Variants in RBPMS2 observed in about 807,000 individuals in gnomAD.
The protein encoded by RBPMS2 is RNA binding protein, mRNA processing factor 2.
In RBPMS2, 14 loss-of-function variants were observed where a neutral mutation model predicts 25.7. The ratio of observed to expected loss-of-function variants is 0.55; its 90% CI spans 0.36 to 0.85. The LOEUF (loss-of-function observed/expected upper bound fraction) is 0.85. RBPMS2 is among the 40% of genes least tolerant of loss of function. The pLI is 0.01. For synonymous variants in RBPMS2, 127 were observed against 115.6 expected, an observed-to-expected ratio of 1.10 and a Z score of -0.63; for missense variants, 252 against 283.4, an observed-to-expected ratio of 0.89 and a Z score of 0.80.
Position 64,768,230 on chromosome 15 carries a change from T to C in RBPMS2, c.87+7003A>G, listed in dbSNP as rs371073489. ...GTAGAGAATTTAAAATAAAACTGCT[T>C]GGGCGTGGCAACTCACATCTGTAAC... On this transcript the variant is annotated intron_variant, in intron 1 of 7. Transcript: ENST00000300069. Among the ~76,000 whole-genome samples the C allele has an allele frequency of 2.3e-3, 350 of 152,276 alleles. 2 individuals carry two copies. Among genetic ancestry groups the C allele is most frequent in the African/African-American group, 7.7e-3 (321 of 41,548 alleles).
intron 1 of RBPMS2, among the ~76,000 whole-genome samples, chr15:64,753,549 G>A (rs570298983): frequency 6.6e-6 from 1 of 152,278 alleles, no homozygotes; most frequent in South Asian, 2.1e-4. Flanking sequence ...TCCCACCCAC[G>A]CAAGAATGAC....
chr15:64,749,732 G>T (rs1276635343), intron 3 of RBPMS2, among the ~76,000 whole-genome samples: 1 of 152,172 alleles, frequency 6.6e-6, no homozygotes, highest in South Asian at 2.1e-4. Flanking sequence ...TGTGGGAAAT[G>T]ATGCCAACAG....
intron 1 of RBPMS2, among the ~76,000 whole-genome samples, chr15:64,758,957 ATTTTAT>A (rs2083757607): frequency 6.6e-6 from 1 of 151,980 alleles, no homozygotes; most frequent in Non-Finnish European, 1.5e-5. Context: ...TTTTATTTTT[ATTTTAT>A]TTTTATTTTT....
chr15:64,750,275 CG>C, intron 3 of RBPMS2, 67 bp downstream of exon 3: 1 of 1,363,636 alleles, frequency 7.3e-7, no homozygotes, highest in Non-Finnish European at 1.1e-6. Flanking sequence ...GAAGGGTTAA[CG>C]GGCCCTTGTT....
At chr15:64,762,217 G>A (rs1255293338) in intron 1 of RBPMS2, among the ~76,000 whole-genome samples, 1 of 152,122 alleles carries the variant, frequency 6.6e-6, no homozygotes, top group Admixed American at 6.6e-5. Context: ...TGGCAGGGGG[G>A]TGGGGGGTGG....
At chr15:64,772,308 C>G (rs946137826) in intron 1 of RBPMS2, among the ~76,000 whole-genome samples, 5 of 152,188 alleles carry the variant, frequency 3.3e-5, no homozygotes, top group Admixed American at 6.5e-5. Context: ...CTGCCCCGGA[C>G]AGGTTCATGT....
intron 1 of RBPMS2, 142 bp from the exon 2 acceptor site, chr15:64,751,780 G>A (rs2083684118): frequency 4.8e-6 from 3 of 628,430 alleles, no homozygotes; most frequent in East Asian, 2.8e-5. Context: ...GATACCCAAG[G>A]CAAATTAACA....
chr15:64,767,829 C>G (rs12899738), intron 1 of RBPMS2, among the ~76,000 whole-genome samples: 113,567 of 152,184 alleles, frequency 0.75, 45,893 homozygotes, highest in East Asian at 0.96. Context: ...ACCATCACAC[C>G]CAGCTACTTT....
In RBPMS2 at chr15:64,740,973, A is replaced by C. The variant is rs1354772734; in HGVS notation, c.*35T>G. 1 of 521,162 alleles carries C rather than the reference A, an allele frequency of 1.9e-6. No individual in the cohort carries two copies. Among genetic ancestry groups the C allele is most frequent in the East Asian group, 3.3e-5 (1 of 30,194 alleles). 32.3% of individuals were successfully genotyped at this position (521,162 alleles called of 1,614,324 possible). On this transcript the variant is annotated 3_prime_UTR_variant, in exon 8 of 8. Transcript: ENST00000300069. ...GCCTGTCCCGGCACCACCACAGATT[A>C]CCAGAACCACCTCCCCGGTGACCAG...
chr15:64,748,659 C>T (rs1037937121), intron 5 of RBPMS2, 92 bp from the exon 6 acceptor site: 4 of 1,442,116 alleles, frequency 2.8e-6, no homozygotes, highest in South Asian at 1.4e-5. Context: ...GAGCCATATG[C>T]CCCACACTGA....
intron 6 of RBPMS2, among the ~76,000 whole-genome samples, chr15:64,746,227 C>A (rs543761094): frequency 6.6e-6 from 1 of 152,262 alleles, no homozygotes; most frequent in Middle Eastern, 3.4e-3. Context: ...TTCCCATTAG[C>A]CTGCCTCCCC....
Position 64,772,826 on chromosome 15 carries a change from G to C in RBPMS2, c.87+2407C>G, listed in dbSNP as rs116086427. ...CCACCACTTCCTGGCAAGTCCTTCC[G>C]ACCTCCTAGGCTGAGAATTTTCACT... On this transcript the variant is annotated intron_variant, in intron 1 of 7. Transcript: ENST00000300069. Among the ~76,000 whole-genome samples, 198 of 152,136 alleles carry C rather than the reference G, an allele frequency of 1.3e-3. 1 individual carries two copies. The highest frequency in any genetic ancestry group is 4.5e-3 in the African/African-American group (186 of 41,510).
At chr15:64,769,201 A>C in intron 1 of RBPMS2, among the ~76,000 whole-genome samples, 1 of 150,492 alleles carries the variant, frequency 6.6e-6, no homozygotes. Context: ...AGTGGCTCAC[A>C]TCTGCAATCC....
At chr15:64,745,048 A>G (rs994741960) in intron 6 of RBPMS2, among the ~76,000 whole-genome samples, 2 of 151,958 alleles carry the variant, frequency 1.3e-5, no homozygotes, top group African/African-American at 4.8e-5. Context: ...ACCTGACCTC[A>G]GGTAATCTGC....
At chr15:64,756,679 T>C (rs1374385390) in intron 1 of RBPMS2, among the ~76,000 whole-genome samples, 1 of 151,034 alleles carries the variant, frequency 6.6e-6, no homozygotes, top group Non-Finnish European at 1.5e-5. Flanking sequence ...TCTCGCTCTG[T>C]TGCCCAGGCT....
chr15:64,765,752 T>C (rs1388395786), intron 1 of RBPMS2, among the ~76,000 whole-genome samples: 1 of 152,164 alleles, frequency 6.6e-6, no homozygotes, highest in African/African-American at 2.4e-5. Context: ...GAGACCACCC[T>C]GGCCAACATG....
intron 6 of RBPMS2, among the ~76,000 whole-genome samples, chr15:64,744,793 G>GTTTA (rs2083600328): frequency 1.7e-5 from 1 of 57,796 alleles, no homozygotes; most frequent in African/African-American, 8.7e-5. Context: ...TTTTTGGTTT[G>GTTTA]TTTTGTTTTT....
chr15:64,758,447 C>CA (rs1366567597), intron 1 of RBPMS2, among the ~76,000 whole-genome samples: 1 of 152,212 alleles, frequency 6.6e-6, no homozygotes, highest in East Asian at 1.9e-4. Context: ...AGAACTCAGT[C>CA]AAAGATACTT....
chr15:64,773,423 C>A (rs1375172979), intron 1 of RBPMS2, among the ~76,000 whole-genome samples: 1 of 152,200 alleles, frequency 6.6e-6, no homozygotes, highest in Non-Finnish European at 1.5e-5. Flanking sequence ...GCCCACCATG[C>A]CCTTTTCCAA....
Sources: allele counts gnomAD v4.1 joint callset (sites outside exome capture counted in the v4.1 genomes callset), GRCh38; gene constraint gnomAD v4.1.1; transcripts MANE v1.5; gene names NCBI Gene and HGNC (gene_info 2026-07-23, HGNC 2026-07-21).